Variants in MYPN observed in about 807,000 individuals in gnomAD.
MYPN encodes the protein myopalladin.
In MYPN, 63 loss-of-function variants were observed where a neutral mutation model predicts 129.4. That is an observed-to-expected ratio of 0.49 (90% confidence interval 0.40 to 0.60). The LOEUF is 0.60. MYPN is among the 20% of genes least tolerant of loss of function. MYPN has a pLI of 0.00. For synonymous variants in MYPN, 629 were observed against 600.9 expected (o/e 1.05, Z -0.68); for missense variants, 1,596 against 1,635.4 (o/e 0.98, Z 0.42).
At chr10:68,155,949 T>A (rs2042865599) in intron 6 of MYPN, among the ~76,000 whole-genome samples, 1 of 152,224 alleles carries the variant, frequency 6.6e-6, no homozygotes, top group Non-Finnish European at 1.5e-5. Context: ...ACACAAGTCT[T>A]GCCCTTTGAT....
At position 68,211,843 on chromosome 10, in the gene MYPN, G is replaced by T; in HGVS notation, c.*1388G>T. 2.2e-6 allele frequency: 1 copy of T among 453,708 alleles called. No homozygotes were observed. Among genetic ancestry groups the T allele is most frequent in the Non-Finnish European group, 4.4e-6 (1 of 226,570 alleles). 28.1% of individuals were successfully genotyped at this position (453,708 alleles called of 1,614,324 possible). A position where few individuals can be genotyped will look rare whatever the true frequency, so the allele number is the denominator to read the frequency against. ...TCTAGGCTGTGCAGGGAAATGAATT[G>T]CAGGTGTCTGTTTTCAATTCCCTGT... On this transcript the variant is annotated 3_prime_UTR_variant, in exon 20 of 20. Coordinates refer to ENST00000358913, the MANE Select transcript of MYPN (RefSeq NM_032578.4).
chr10:68,096,437 C>G (rs758566255), intron 1 of MYPN, among the ~76,000 whole-genome samples: 31 of 152,166 alleles, frequency 2.0e-4, no homozygotes, highest in Admixed American at 5.2e-4. Context: ...TGGCAGCCGC[C>G]TGTAGTCCCA....
intron 4 of MYPN, among the ~76,000 whole-genome samples, chr10:68,147,641 C>G (rs1038428042): frequency 1.3e-4 from 20 of 152,180 alleles, no homozygotes; most frequent in African/African-American, 4.8e-4. Context: ...TGTGTAATTA[C>G]TGATATCTTT....
chr10:68,159,293 G>A (rs1471829884), intron 7 of MYPN, among the ~76,000 whole-genome samples: 2 of 152,078 alleles, frequency 1.3e-5, no homozygotes, highest in African/African-American at 4.8e-5. Flanking sequence ...CGTCGCCCTA[G>A]CTATATCCTA....
intron 2 of MYPN, among the ~76,000 whole-genome samples, chr10:68,128,710 C>T (rs1283550111): frequency 6.6e-6 from 1 of 152,038 alleles, no homozygotes; most frequent in Non-Finnish European, 1.5e-5. Flanking sequence ...GAGCATATAG[C>T]AAAGGGACCA....
intron 6 of MYPN, among the ~76,000 whole-genome samples, chr10:68,154,486 T>A (rs1330020375): frequency 6.6e-6 from 1 of 152,228 alleles, no homozygotes; most frequent in African/African-American, 2.4e-5. Context: ...CTGGAGTTCA[T>A]GGGCCCCTCT....
chr10:68,197,145 A>T (rs1364774064), intron 15 of MYPN, among the ~76,000 whole-genome samples: 1 of 152,114 alleles, frequency 6.6e-6, no homozygotes, highest in African/African-American at 2.4e-5. Flanking sequence ...ATCTCGCAAG[A>T]CAATCCCACA....
At chr10:68,180,877 G>A (rs1239620333) in intron 12 of MYPN, among the ~76,000 whole-genome samples, 1 of 152,086 alleles carries the variant, frequency 6.6e-6, no homozygotes, top group African/African-American at 2.4e-5. Context: ...GAAATCAAAT[G>A]TTTCAAGTTG....
chr10:68,157,552 G>T (rs2042896399), intron 6 of MYPN, among the ~76,000 whole-genome samples: 1 of 151,698 alleles, frequency 6.6e-6, no homozygotes, highest in South Asian at 2.1e-4. Context: ...GAGGTACTGA[G>T]GCCGGGTGCG....
intron 13 of MYPN, among the ~76,000 whole-genome samples, chr10:68,189,900 G>T (rs1176697303): frequency 6.6e-6 from 1 of 152,138 alleles, no homozygotes; most frequent in Non-Finnish European, 1.5e-5. Flanking sequence ...GGGATTGCTG[G>T]ATCATATGGT....
intron 1 of MYPN, among the ~76,000 whole-genome samples, chr10:68,096,262 T>G (rs1161386309): frequency 1.3e-5 from 2 of 152,346 alleles, no homozygotes; most frequent in East Asian, 3.9e-4. Flanking sequence ...AGTCAATTGT[T>G]CTTTCTGTAT....
At chr10:68,113,786 T>C (rs1031425469) in intron 1 of MYPN, among the ~76,000 whole-genome samples, 2 of 152,184 alleles carry the variant, frequency 1.3e-5, no homozygotes, top group African/African-American at 2.4e-5. Context: ...AAATTGTATA[T>C]ATTTGTGGTG....
At chr10:68,177,020 G>A (rs188037888) in intron 12 of MYPN, among the ~76,000 whole-genome samples, 49 of 152,234 alleles carry the variant, frequency 3.2e-4, no homozygotes, top group African/African-American at 1.0e-3. Flanking sequence ...TTTACAACTC[G>A]GAGAGAGAGC....
chr10:68,166,498 T>G lies in MYPN; in HGVS notation c.1805T>G (p.Leu602Arg), dbSNP rs779148735. Reference protein sequence around the residue: ...SRIGLRVHFNLPEDDKGSEAS... With the variant: ...SRIGLRVHFNRPEDDKGSEAS... The stretch of plus-strand genomic sequence containing the variant: ...ATTGGGCTTCGTGTGCACTTCAACC[T>G]GCCTGAAGATGACAAAGGAAGTGAA... Residue 602 changes from leucine to arginine, a missense_variant, in exon 10 of 20, where the codon CTG becomes CGG. Physicochemically the swap from Leu to Arg is moderately radical, Grantham distance 102. Coordinates refer to ENST00000358913, the MANE Select transcript of MYPN (RefSeq NM_032578.4). The G allele has an allele frequency of 9.9e-6, 16 of 1,614,028 alleles. No individual in the cohort carries two copies. The highest frequency in any genetic ancestry group is 1.7e-6 in the Non-Finnish European group (2 of 1,180,028).
At chr10:68,143,793 T>C (rs1389849494) in intron 3 of MYPN, among the ~76,000 whole-genome samples, 1 of 152,282 alleles carries the variant, frequency 6.6e-6, no homozygotes, top group East Asian at 1.9e-4. Flanking sequence ...CTCACTCTAT[T>C]GCCCAAGCTG....
intron 12 of MYPN, among the ~76,000 whole-genome samples, chr10:68,176,884 C>A (rs1055735773): frequency 5.9e-5 from 9 of 152,298 alleles, no homozygotes; most frequent in African/African-American, 2.2e-4. Flanking sequence ...AGAACAGTTA[C>A]CTTCAAGCTC....
chr10:68,123,736 A>C (rs1349645266), intron 2 of MYPN, among the ~76,000 whole-genome samples: 2 of 150,902 alleles, frequency 1.3e-5, no homozygotes, highest in Admixed American at 6.6e-5. Context: ...TATAATTAAA[A>C]ATTCAGTTAT....
At position 68,201,648 on chromosome 10, in the gene MYPN, A is replaced by G. The variant is rs2490936; in HGVS notation, c.3494-181A>G. 1 allele frequency among the ~76,000 whole-genome samples: 151,922 copies of G among 151,930 alleles called. 75,957 individuals are homozygous for G. The highest frequency in any genetic ancestry group is 1 in the Middle Eastern group (290 of 290). On this transcript the variant is annotated intron_variant, in intron 17 of 19. Transcript: ENST00000358913. ...CCAGGCTTGGCGGTGCACGCCTGTA[A>G]TCCCAGCTACTCGGGAGACTGAGGC...
chr10:68,151,650 C>G (rs564366986), intron 6 of MYPN, among the ~76,000 whole-genome samples: 6 of 152,294 alleles, frequency 3.9e-5, no homozygotes, highest in South Asian at 4.1e-4. Context: ...ACCTTAGAGA[C>G]AGTGCTGACT....
Sources: gnomAD v4.1 joint callset for allele counts (sites outside exome capture counted in the v4.1 genomes callset) on GRCh38, gnomAD v4.1.1 for gene constraint, MANE v1.5 for transcripts, NCBI Gene and HGNC (gene_info 2026-07-23, HGNC 2026-07-21) for gene names.